Variants in MLH3 observed in about 807,000 individuals in gnomAD.
The protein encoded by MLH3 is DNA mismatch repair protein Mlh3.
MLH3 carries 82 observed loss-of-function variants against 122.2 expected under a neutral mutation model. That is an observed-to-expected ratio of 0.67 (90% CI 0.56 to 0.81). The LOEUF (loss-of-function observed/expected upper bound fraction) is 0.81, where lower values mean the gene tolerates loss of function less well. Ranked by LOEUF, MLH3 falls within the 30% of genes least tolerant of loss-of-function variation. The pLI, the probability that MLH3 is intolerant of heterozygous loss-of-function variation, is 0.00. For missense variants in MLH3, 1,539 were observed against 1,714.5 expected (o/e 0.90, Z 1.81); for synonymous variants, 524 against 599.5 (o/e 0.87, Z 1.84).
chr14:75,041,320 C>T (rs1322785244), intron 4 of MLH3, among the ~76,000 whole-genome samples: 9 of 152,194 alleles, frequency 5.9e-5, no homozygotes, highest in Middle Eastern at 3.4e-3. Flanking sequence ...GAGGCTGAGG[C>T]GGGCAGATCA....
At position 75,046,418 on chromosome 14, in the gene MLH3, T is replaced by C. The variant is rs747582919; in HGVS notation, c.3238A>G (p.Lys1080Glu). The C allele has an allele frequency of 6.2e-7, 1 of 1,614,184 alleles. No individual in the cohort carries two copies. Among genetic ancestry groups the C allele is most frequent in the South Asian group, 1.1e-5 (1 of 91,074 alleles). ...TCCACAGCCACAGTTGTCAGGTCTTTAGTACAAGCAGCCTGAATGTCCTCA... is the reference window on the plus strand; with the variant it reads ...TCCACAGCCACAGTTGTCAGGTCTTCAGTACAAGCAGCCTGAATGTCCTCA... ...PTEDIQAACTKDLTTVAVDVV... is the reference protein window; with the variant it reads ...PTEDIQAACTEDLTTVAVDVV... The change falls in exon 2 of 13, where the codon AAA becomes GAA. Residue 1080 changes from lysine to glutamate, a missense_variant. Lys to Glu is a moderately conservative substitution (Grantham distance 56). Coordinates refer to ENST00000355774, the MANE Select transcript of MLH3 (RefSeq NM_001040108.2).
At chr14:75,038,932 G>A (rs1180838003) in intron 5 of MLH3, among the ~76,000 whole-genome samples, 1 of 150,178 alleles carries the variant, frequency 6.7e-6, no homozygotes, top group East Asian at 2.0e-4. Context: ...TCTGCCTCCT[G>A]GGTTCATGCC....
Position 75,048,850 on chromosome 14 carries a change from T to C in MLH3, c.806A>G (p.Asp269Gly), listed in dbSNP as rs761744465. Residue 269 changes from aspartate to glycine, a missense_variant, in exon 2 of 13, where the codon GAC becomes GGC. By Grantham distance (94) the Asp-to-Gly change is moderately conservative. Transcript: ENST00000355774. The stretch of plus-strand genomic sequence containing the variant: ...AATACTTTCTTTCCTTAATAAAAAG[T>C]CAATGAGTTTATGTAGCTTTGTCCT... Reference protein sequence around the residue: ...VLRTKLHKLIDFLLRKESIIC... With the variant: ...VLRTKLHKLIGFLLRKESIIC... 5.6e-6 allele frequency: 9 copies of C among 1,614,144 alleles called. No homozygotes were observed. Among genetic ancestry groups the C allele is most frequent in the Non-Finnish European group, 5.9e-6 (7 of 1,179,986 alleles).
Position 75,016,951 on chromosome 14 carries a change from C to T in MLH3, c.*131G>A, listed in dbSNP as rs1210195160. On this transcript the variant is annotated 3_prime_UTR_variant, in exon 13 of 13. Coordinates refer to ENST00000355774, the MANE Select transcript of MLH3 (RefSeq NM_001040108.2). Reference sequence around the variant, plus strand: ...TCAAGAAAGACTGATACAGAGAGCCCTGCTGTCTAAGCTGCTCAGGGACAC... The same window carrying T: ...TCAAGAAAGACTGATACAGAGAGCCTTGCTGTCTAAGCTGCTCAGGGACAC... The T allele has an allele frequency of 9.8e-7, 1 of 1,021,412 alleles. No homozygotes were observed. The highest frequency in any genetic ancestry group is 1.5e-6 in the Non-Finnish European group (1 of 650,156). 63.3% of individuals were successfully genotyped at this position (1,021,412 alleles called of 1,614,324 possible). A position where few individuals can be genotyped will look rare whatever the true frequency, so the allele number is the denominator to read the frequency against.
Position 75,048,941 on chromosome 14 carries a change from T to A in MLH3, c.715A>T (p.Ile239Phe). 6.2e-7 allele frequency: 1 copy of A among 1,613,342 alleles called. No individual in the cohort carries two copies. Among genetic ancestry groups the A allele is most frequent in the South Asian group, 1.1e-5 (1 of 90,856 alleles). ...KYKEFELSGYISSEAHYNKNM... is the reference protein window; with the variant it reads ...KYKEFELSGYFSSEAHYNKNM... Reference sequence around the variant, plus strand: ...TTGTTGTAATGTGCTTCAGAGCTGATATAGCCACTAAGCTCAAACTCTTTA... The same window carrying A: ...TTGTTGTAATGTGCTTCAGAGCTGAAATAGCCACTAAGCTCAAACTCTTTA... Residue 239 changes from isoleucine to phenylalanine, a missense_variant, in exon 2 of 13, where the codon ATC (isoleucine) becomes TTC (phenylalanine). Physicochemically the swap from Ile to Phe is conservative, Grantham distance 21. Coordinates refer to ENST00000355774, the MANE Select transcript of MLH3 (RefSeq NM_001040108.2).
chr14:75,043,776 T>C (rs1257582052), intron 2 of MLH3, among the ~76,000 whole-genome samples: 1 of 152,202 alleles, frequency 6.6e-6, no homozygotes, highest in Non-Finnish European at 1.5e-5. Context: ...AAATCACCTT[T>C]ATAGATCCTC....
At position 75,022,838 on chromosome 14, in the gene MLH3, C is replaced by A; in HGVS notation, c.4066G>T (p.Val1356Leu). The change falls in exon 11 of 13, where the codon GTG becomes TTG. Residue 1356 changes from valine (V) to leucine (L), a missense_variant. Physicochemically the swap from Val to Leu is conservative, Grantham distance 32 (BLOSUM62 1). Coordinates refer to ENST00000355774, the MANE Select transcript of MLH3 (RefSeq NM_001040108.2). ...QGTLPLTVQK[V>L]LASQACHGAI... ...CCATGGCAGGCTTGGGATGCCAACA[C>A]CTTCTGGACAGTCAGTGGCAATGTC... 1 of 1,614,162 alleles carries A rather than the reference C, an allele frequency of 6.2e-7. No individual in the cohort carries two copies. Among genetic ancestry groups the A allele is most frequent in the East Asian group, 2.2e-5 (1 of 44,890 alleles).
In MLH3 at chr14:75,046,973, G is replaced by T; in HGVS notation, c.2683C>A (p.Arg895Ser). 1.2e-6 allele frequency: 2 copies of T among 1,614,060 alleles called. No individual in the cohort carries two copies. Among genetic ancestry groups the T allele is most frequent in the African/African-American group, 2.7e-5 (2 of 75,032 alleles). The change falls in exon 2 of 13, where the codon CGT becomes AGT. Residue 895 changes from arginine (R) to serine (S), a missense_variant. Arg to Ser is a moderately radical substitution (Grantham distance 110, BLOSUM62 -1). Transcript: ENST00000355774. Reference sequence around the variant, plus strand: ...TCTGAATTTGGAAGTTCATTAAAACGACTCATCATCCCCATTGTTTGAGTT... The same window carrying T: ...TCTGAATTTGGAAGTTCATTAAAACTACTCATCATCCCCATTGTTTGAGTT... Reference protein sequence around the residue: ...RETQTMGMMSRFNELPNSDSS... With the variant: ...RETQTMGMMSSFNELPNSDSS...
At chr14:75,031,541 A>C (rs1380820871) in intron 8 of MLH3, among the ~76,000 whole-genome samples, 3 of 152,240 alleles carry the variant, frequency 2.0e-5, no homozygotes, top group Admixed American at 2.0e-4. Context: ...GGCTGGGTCC[A>C]GTGGCTCACG....
chr14:75,023,300 G>A (rs1276150302), intron 9 of MLH3, among the ~76,000 whole-genome samples: 1 of 152,212 alleles, frequency 6.6e-6, no homozygotes, highest in Non-Finnish European at 1.5e-5. Flanking sequence ...GCTGGTGAGA[G>A]TAGCCTTGAT....
rs761468610 is a variant in MLH3, at chr14:75,038,375, A to G, written c.3608T>C (p.Leu1203Ser). The G allele has an allele frequency of 3.1e-6, 5 of 1,613,992 alleles. No individual in the cohort carries two copies. The highest frequency in any genetic ancestry group is 4.2e-6 in the Non-Finnish European group (5 of 1,179,882). Residue 1203 changes from leucine (L) to serine (S), a missense_variant, in exon 6 of 13, where the codon TTG becomes TCG. By Grantham distance (145) the Leu-to-Ser change is moderately radical. Transcript: ENST00000355774. ...QQVDNKFIAC[L>S]MSTKTEENGE... is the part of the protein sequence containing the mutation. The stretch of plus-strand genomic sequence containing the variant: ...ATTCTCTTCAGTCTTAGTGCTCATC[A>G]AACAGGCAATAAACTTGTTATCTAC...
chr14:75,041,670 G>A lies in MLH3; in HGVS notation c.3410C>T (p.Ser1137Leu), dbSNP rs781462940. The stretch of plus-strand genomic sequence containing the variant: ...CCATTCTGAGAACAAAGACTGAAGC[G>A]ATTCGCTACTAACAGTATCATCCAC... ...DTVDDTVSSESLQSLFSEWDN... is the reference protein window; with the variant it reads ...DTVDDTVSSELLQSLFSEWDN... Residue 1137 changes from serine to leucine, a missense_variant, in exon 4 of 13, where the codon TCG becomes TTG. Transcript: ENST00000355774. The A allele has an allele frequency of 5.0e-6, 8 of 1,613,898 alleles. No homozygotes were observed. The highest frequency in any genetic ancestry group is 3.3e-5 in the South Asian group (3 of 91,080).
Position 75,042,401 on chromosome 14 carries a change from A to G in MLH3, c.3357T>C (p.Thr1119=). The G allele has an allele frequency of 6.2e-7, 1 of 1,614,168 alleles. No individual in the cohort carries two copies. The highest frequency in any genetic ancestry group is 8.5e-7 in the Non-Finnish European group (1 of 1,180,006). Residue 1119 remains threonine (T), a synonymous_variant, in exon 3 of 13, where the codon ACT becomes ACC. Coordinates refer to ENST00000355774, the MANE Select transcript of MLH3 (RefSeq NM_001040108.2). ...PFLPRARAER[T]VMRQDNRDTV... ...TACCTCTGTTATCCTGTCTCATCAC[A>G]GTCCTCTCTGCTCGAGCTCTCGGAA...
chr14:75,045,127 C>T (rs748298680), intron 2 of MLH3, among the ~76,000 whole-genome samples: 4 of 152,072 alleles, frequency 2.6e-5, no homozygotes, highest in Non-Finnish European at 5.9e-5. Context: ...GTCAGGAGAT[C>T]GAGACAAGCC....
intron 4 of MLH3, among the ~76,000 whole-genome samples, chr14:75,040,905 G>A (rs1891808771): frequency 6.6e-6 from 1 of 152,024 alleles, no homozygotes; most frequent in Non-Finnish European, 1.5e-5. Context: ...GTTCCCAAAT[G>A]CTATAAATTT....
chr14:75,049,827 T>C, intron 1 of MLH3, 109 bp from the exon 2 acceptor site: 1 of 735,774 alleles, frequency 1.4e-6, no homozygotes, highest in Non-Finnish European at 2.3e-6. Context: ...TAAACCAAAT[T>C]GTGAAACAAA....
intron 6 of MLH3, among the ~76,000 whole-genome samples, chr14:75,034,297 T>C (rs192889047): frequency 1.1e-4 from 17 of 152,326 alleles, no homozygotes; most frequent in Middle Eastern, 3.4e-3. Flanking sequence ...AACTTTAATA[T>C]GATAAAGGAT....
chr14:75,046,711 T>C lies in MLH3; in HGVS notation c.2945A>G (p.Lys982Arg), dbSNP rs757416466. 3 of 1,614,208 alleles carry C rather than the reference T, an allele frequency of 1.9e-6. No individual in the cohort carries two copies. Among genetic ancestry groups the C allele is most frequent in the Non-Finnish European group, 2.5e-6 (3 of 1,180,028 alleles). Residue 982 changes from lysine (K) to arginine (R), a missense_variant, in exon 2 of 13, where the codon AAA becomes AGA. Transcript: ENST00000355774. ...GGCTCTGATAAGAACATCTGAATCTTTACCGGTAACTTTAGAATTATTATA... is the reference window on the plus strand; with the variant it reads ...GGCTCTGATAAGAACATCTGAATCTCTACCGGTAACTTTAGAATTATTATA... The part of the protein sequence containing the change: ...LPYNNSKVTG[K>R]DSDVLIRASE...
Position 75,046,727 on chromosome 14 carries a change from A to G in MLH3, c.2929T>C (p.Ser977Pro), listed in dbSNP as rs747777498. 1 of 1,614,130 alleles carries G rather than the reference A, an allele frequency of 6.2e-7. No individual in the cohort carries two copies. ...TCTGAATCTTTACCGGTAACTTTAG[A>G]ATTATTATAGGGCAATACCAAAGGA... is the stretch of plus-strand genomic sequence containing the variant. ...ETPLVLPYNN[S>P]KVTGKDSDVL... The change falls in exon 2 of 13, where the codon TCT becomes CCT. Residue 977 changes from serine to proline, a missense_variant. Ser to Pro is a moderately conservative substitution (Grantham distance 74). Coordinates refer to ENST00000355774, the MANE Select transcript of MLH3 (RefSeq NM_001040108.2).
Sources: gnomAD v4.1 joint callset for allele counts (sites outside exome capture counted in the v4.1 genomes callset) on GRCh38, gnomAD v4.1.1 for gene constraint, MANE v1.5 for transcripts, NCBI Gene and HGNC (gene_info 2026-07-23, HGNC 2026-07-21) for gene names.